The following DSCAM variants were observed in gnomAD, a reference collection of about 807,000 sequenced individuals.
DSCAM encodes the protein DS cell adhesion molecule.
DSCAM carries 47 observed loss-of-function variants against 217.7 expected under a neutral mutation model. That is an observed-to-expected ratio of 0.22 (90% confidence interval 0.17 to 0.28). DSCAM has a LOEUF of 0.28. Ranked by LOEUF, DSCAM falls within the 10% of genes least tolerant of loss-of-function variation. DSCAM has a pLI of 1.00. For synonymous variants in DSCAM, 1,056 were observed against 1,015.3 expected (o/e 1.04, Z -0.76); for missense variants, 2,080 against 2,618.3 (o/e 0.79, Z 4.49).
intron 32 of DSCAM, among the ~76,000 whole-genome samples, chr21:40,013,889 T>C (rs551561783): frequency 6.6e-6 from 1 of 152,344 alleles, no homozygotes; most frequent in Admixed American, 6.5e-5. Flanking sequence ...TGGGTCTTCA[T>C]GATGGCTTTG....
intron 19 of DSCAM, among the ~76,000 whole-genome samples, chr21:40,127,697 T>G (rs2090110162): frequency 6.6e-6 from 1 of 152,136 alleles, no homozygotes; most frequent in Non-Finnish European, 1.5e-5. Context: ...AACCTGTGCT[T>G]CTCTTGCCCC....
rs2074791247 is a variant in DSCAM at position 40,363,451 on chromosome 21, T to C, written c.655+5648A>G. On this transcript the variant is annotated intron_variant, in intron 4 of 32. Transcript: ENST00000400454. ...TATTTTTAGTAGAGATGGGGTTTCA[T>C]CATGTTAGCCAGGCTGGTCTTGAAC... 1.3e-5 allele frequency among the ~76,000 whole-genome samples: 2 copies of C among 151,794 alleles called. 1 individual carries two copies. Among genetic ancestry groups the C allele is most frequent in the Non-Finnish European group, 2.9e-5 (2 of 67,946 alleles).
intron 10 of DSCAM, among the ~76,000 whole-genome samples, chr21:40,286,851 T>TGATCCACGGTGTG (rs139977303): frequency 1.3e-5 from 2 of 149,890 alleles, no homozygotes; most frequent in African/African-American, 4.9e-5. Context: ...GATCTGCAGG[T>TGATCCACGGTGTG]ATCTGCAGTG....
intron 11 of DSCAM, among the ~76,000 whole-genome samples, chr21:40,241,673 T>C (rs1013986066): frequency 1.3e-5 from 2 of 152,144 alleles, no homozygotes; most frequent in Admixed American, 1.3e-4. Flanking sequence ...TATAAATCAT[T>C]CTACCATAAA....
intron 11 of DSCAM, among the ~76,000 whole-genome samples, chr21:40,261,652 TACACACACACACACAC>T (rs71186922): frequency 7.5e-6 from 1 of 133,446 alleles, no homozygotes; most frequent in Non-Finnish European, 1.5e-5. Flanking sequence ...TCTCTCTCTC[TACACACACACACACAC>T]ACACACACAC....
chr21:40,522,608 G>A (rs943380109), intron 3 of DSCAM, among the ~76,000 whole-genome samples: 1 of 152,172 alleles, frequency 6.6e-6, no homozygotes, highest in African/African-American at 2.4e-5. Context: ...AATCCTTGCT[G>A]ATGCAGGATA....
At position 40,814,634 on chromosome 21, in the gene DSCAM, T is replaced by A. The variant is rs556507555; in HGVS notation, c.43+31985A>T. Among the ~76,000 whole-genome samples the A allele has an allele frequency of 2.0e-5, 3 of 152,324 alleles. No individual in the cohort carries two copies. In the East Asian group the frequency reaches 5.8e-4, roughly 29 times the overall value. Reference sequence around the variant, plus strand: ...GATCATTGTTGTCAAGGGGTTTTAGTTAATCATGAAGAAGAGCGGGAAAAG... The same window carrying A: ...GATCATTGTTGTCAAGGGGTTTTAGATAATCATGAAGAAGAGCGGGAAAAG... On this transcript the variant is annotated intron_variant, in intron 1 of 32. Coordinates refer to ENST00000400454, the MANE Select transcript of DSCAM (RefSeq NM_001389.5).
At chr21:40,381,049 C>T (rs1418844921) in intron 3 of DSCAM, among the ~76,000 whole-genome samples, 67 of 100,448 alleles carry the variant, frequency 6.7e-4, no homozygotes, top group African/African-American at 2.4e-3. Context: ...GGCGACAGAG[C>T]GAGACTCCGT....
chr21:40,281,332 C>T (rs1282292650), intron 10 of DSCAM, among the ~76,000 whole-genome samples: 1 of 151,962 alleles, frequency 6.6e-6, no homozygotes, highest in African/African-American at 2.4e-5. Flanking sequence ...CATTGTTGTG[C>T]TTTCTAACAT....
At chr21:40,696,915 A>C (rs1034546853) in intron 2 of DSCAM, among the ~76,000 whole-genome samples, 4 of 152,196 alleles carry the variant, frequency 2.6e-5, no homozygotes, top group African/African-American at 9.7e-5. Context: ...TTGGGAGCAC[A>C]GTAAATCTTT....
chr21:40,636,539 C>A (rs1204270098), intron 3 of DSCAM, among the ~76,000 whole-genome samples: 3 of 152,144 alleles, frequency 2.0e-5, no homozygotes, highest in African/African-American at 7.2e-5. Context: ...ATCAGTGAAT[C>A]TTCCATACCA....
intron 3 of DSCAM, among the ~76,000 whole-genome samples, chr21:40,601,802 A>G (rs2077064012): frequency 6.6e-6 from 1 of 152,146 alleles, no homozygotes; most frequent in Non-Finnish European, 1.5e-5. Context: ...TTATAATGCG[A>G]TAGGTTACAT....
At chr21:40,691,164 C>G (rs985643047) in intron 3 of DSCAM, among the ~76,000 whole-genome samples, 5 of 152,242 alleles carry the variant, frequency 3.3e-5, no homozygotes, top group African/African-American at 1.2e-4. Context: ...CAGGCACATG[C>G]CCCATTGAGG....
intron 1 of DSCAM, among the ~76,000 whole-genome samples, chr21:40,769,154 G>A (rs1043636512): frequency 2.6e-5 from 4 of 152,148 alleles, no homozygotes; most frequent in Admixed American, 2.6e-4. Flanking sequence ...GCCATGATCT[G>A]TGCTGAATCC....
intron 3 of DSCAM, among the ~76,000 whole-genome samples, chr21:40,451,375 G>A (rs2075718149): frequency 6.6e-6 from 1 of 152,164 alleles, no homozygotes; most frequent in African/African-American, 2.4e-5. Context: ...AAAAAGATTA[G>A]TGGGGCTGCT....
rs933940783 is a variant in DSCAM at position 40,183,668 on chromosome 21, T to C, written c.2779+3463A>G. Reference sequence around the variant, plus strand: ...ATTTTGGTGCAATAAATGTAAGAACTTGTAGCAGTCACAGCTGGCCAAAGG... The same window carrying C: ...ATTTTGGTGCAATAAATGTAAGAACCTGTAGCAGTCACAGCTGGCCAAAGG... On this transcript the variant is annotated intron_variant, in intron 14 of 32. Coordinates refer to ENST00000400454, the MANE Select transcript of DSCAM (RefSeq NM_001389.5). Among the ~76,000 whole-genome samples the C allele has an allele frequency of 8.5e-5, 13 of 152,282 alleles. No individual in the cohort carries two copies. In the East Asian group the frequency reaches 2.3e-3, roughly 27 times the overall value.
chr21:40,361,463 C>CA, intron 4 of DSCAM, among the ~76,000 whole-genome samples: 1 of 152,002 alleles, frequency 6.6e-6, no homozygotes, highest in African/African-American at 2.4e-5. Context: ...TACTAAAACA[C>CA]AAAAAATTAG....
At chr21:40,779,112 C>A (rs2091517427) in intron 1 of DSCAM, among the ~76,000 whole-genome samples, 1 of 148,794 alleles carries the variant, frequency 6.7e-6, no homozygotes, top group Admixed American at 6.7e-5. Flanking sequence ...TGGAAGGGCT[C>A]AGAAAAGATG....
chr21:40,144,446 C>T lies in DSCAM; in HGVS notation c.3259+45G>A, dbSNP rs200076136. On this transcript the variant is annotated intron_variant, in intron 17 of 32. Coordinates refer to ENST00000400454, the MANE Select transcript of DSCAM (RefSeq NM_001389.5). The surrounding 1 kb of genome is among the most constrained non-coding windows in gnomAD (Gnocchi z 4.8). ...GAGCCCCGGGGCAGACCCGAGGGAA[C>T]CTTTGCGGAGGGAAAAGCCACGACC... 30 of 1,608,090 alleles carry T rather than the reference C, an allele frequency of 1.9e-5. No homozygotes were observed. Among genetic ancestry groups the T allele is most frequent in the African/African-American group, 1.7e-4 (13 of 74,782 alleles).
Sources: gnomAD v4.1 joint callset for allele counts (sites outside exome capture counted in the v4.1 genomes callset) on GRCh38, gnomAD v4.1.1 for gene constraint, Gnocchi (gnomAD v3.1) non-coding constraint, MANE v1.5 for transcripts, NCBI Gene and HGNC (gene_info 2026-07-23, HGNC 2026-07-21) for gene names.